APBB2: variants seen among roughly 807,000 people sequenced by gnomAD.
APBB2 encodes Fe65-like 1.
APBB2 carries 38 observed loss-of-function variants against 82.5 expected under a neutral mutation model. The ratio of observed to expected loss-of-function variants is 0.46; its 90% CI spans 0.36 to 0.60. APBB2 has a LOEUF of 0.60. Ranked by LOEUF, APBB2 falls within the 20% of genes least tolerant of loss-of-function variation. The pLI, the probability that APBB2 is intolerant of heterozygous loss-of-function variation, is 0.00. For synonymous variants in APBB2, 341 were observed against 368.2 expected, an observed-to-expected ratio of 0.93 and a Z score of 0.85; for missense variants, 772 against 972.3, an observed-to-expected ratio of 0.79 and a Z score of 2.74.
chr4:41,206,602 C>CT (rs1299121537), intron 1 of APBB2, among the ~76,000 whole-genome samples: 1 of 152,204 alleles, frequency 6.6e-6, no homozygotes, highest in Non-Finnish European at 1.5e-5. Flanking sequence ...TGAATCAATG[C>CT]TTCCCAAGGT....
At chr4:41,070,893 G>A (rs1446936012) in intron 3 of APBB2, among the ~76,000 whole-genome samples, 1 of 152,184 alleles carries the variant, frequency 6.6e-6, no homozygotes, top group African/African-American at 2.4e-5. Flanking sequence ...ATCAAGGAAA[G>A]GAAGGGAATA....
At chr4:41,129,624 A>G (rs1755402533) in intron 2 of APBB2, among the ~76,000 whole-genome samples, 1 of 151,910 alleles carries the variant, frequency 6.6e-6, no homozygotes, top group Admixed American at 6.6e-5. Flanking sequence ...TTTGTTTTTA[A>G]TTTTCAGTGT....
rs894518520 is a variant in APBB2 at position 40,937,305 on chromosome 4, A to C, written c.1045-2166T>G. On this transcript the variant is annotated intron_variant, in intron 7 of 17. Transcript: ENST00000508593. ...CTATATGTTGAGGCTACAGAAAGTA[A>C]AAGAAGAGTATTTTCTAAAACAAGT... 3.7e-4 allele frequency among the ~76,000 whole-genome samples: 56 copies of C among 152,228 alleles called. 1 individual carries two copies. Among genetic ancestry groups the C allele is most frequent in the African/African-American group, 1.3e-3 (54 of 41,466 alleles).
At chr4:40,831,338 G>A (rs1024840399) in intron 12 of APBB2, among the ~76,000 whole-genome samples, 1 of 152,024 alleles carries the variant, frequency 6.6e-6, no homozygotes, top group South Asian at 2.1e-4. Context: ...GGAGGCAGAG[G>A]TTACAGTGAG....
At chr4:40,978,628 C>A (rs190210347) in intron 6 of APBB2, among the ~76,000 whole-genome samples, 1 of 152,122 alleles carries the variant, frequency 6.6e-6, no homozygotes, top group Non-Finnish European at 1.5e-5. Context: ...CCGTCAATCA[C>A]GAAAAGGGTT....
At chr4:40,870,245 G>T (rs1765107091) in intron 12 of APBB2, among the ~76,000 whole-genome samples, 1 of 152,204 alleles carries the variant, frequency 6.6e-6, no homozygotes, top group African/African-American at 2.4e-5. Flanking sequence ...CCAGCCCACT[G>T]TGCCCACCAC....
At chr4:41,174,462 C>A (rs1038528329) in intron 1 of APBB2, among the ~76,000 whole-genome samples, 1 of 152,146 alleles carries the variant, frequency 6.6e-6, no homozygotes, top group Non-Finnish European at 1.5e-5. Context: ...GATGTTTGAG[C>A]ACGCTAGCAG....
At chr4:41,185,990 G>A (rs1340752651) in intron 1 of APBB2, among the ~76,000 whole-genome samples, 1 of 152,126 alleles carries the variant, frequency 6.6e-6, no homozygotes, top group Non-Finnish European at 1.5e-5. Flanking sequence ...ATACTGGTCT[G>A]TAACTACTCT....
intron 10 of APBB2, among the ~76,000 whole-genome samples, chr4:40,896,030 A>T (rs1773565716): frequency 6.6e-6 from 1 of 151,936 alleles, no homozygotes; most frequent in African/African-American, 2.4e-5. Flanking sequence ...TAGGATGATA[A>T]ACAAGGCTGG....
At chr4:41,085,250 C>CAAAAAAAAAAAAAAAA (rs71198629) in intron 3 of APBB2, among the ~76,000 whole-genome samples, 1 of 66,180 alleles carries the variant, frequency 1.5e-5, no homozygotes. Context: ...GACTCTGTCT[C>CAAAAAAAAAAAAAAAA]AAAAAAAAAA....
At position 40,930,444 on chromosome 4, in the gene APBB2, TGTGTGCGCGCGCGCGCGCGCGCGTGCGC is replaced by T. The variant is rs1217640522; in HGVS notation, c.1254+3984_1254+4011del. On this transcript the variant is annotated intron_variant, in intron 10 of 17. Coordinates refer to ENST00000508593, the MANE Select transcript of APBB2 (RefSeq NM_004307.2). The stretch of plus-strand genomic sequence containing the variant: ...AAGTGTGTGTGTGTGTGTGTGTGTG[TGTGTGCGCGCGCGCGCGCGCGCGTGCGC>T]GTGCGCGTATGCGTGTGTATGTGTG... Among the ~76,000 whole-genome samples, 230 of 60,932 alleles carry T rather than the reference TGTGTGCGCGCGCGCGCGCGCGCGTGCGC, an allele frequency of 3.8e-3. 1 individual carries two copies. Among genetic ancestry groups the T allele is most frequent in the African/African-American group, 0.01 (211 of 20,254 alleles). The allele number at this position is 60,932 out of a possible 152,430, so 40.0% of individuals were successfully genotyped here.
intron 4 of APBB2, among the ~76,000 whole-genome samples, chr4:41,049,513 GCCAGCCCCCGCCC>G (rs1196088354): frequency 3.4e-5 from 5 of 145,772 alleles, no homozygotes; most frequent in African/African-American, 1.3e-4. Flanking sequence ...GGAGGTGGGG[GCCAGCCCCCGCCC>G]GGCCAGCCGC....
chr4:40,929,641 A>G (rs1418535367), intron 10 of APBB2, among the ~76,000 whole-genome samples: 1 of 152,192 alleles, frequency 6.6e-6, no homozygotes, highest in Non-Finnish European at 1.5e-5. Flanking sequence ...TAGCTCACAC[A>G]CAATAAACTA....
chr4:41,197,359 T>C, intron 1 of APBB2, among the ~76,000 whole-genome samples: 6 of 152,336 alleles, frequency 3.9e-5, no homozygotes, highest in South Asian at 2.1e-4. Context: ...TTAATGCTTA[T>C]CTTCCAATAG....
At chr4:41,041,829 C>T (rs1018079449) in intron 4 of APBB2, among the ~76,000 whole-genome samples, 3 of 152,110 alleles carry the variant, frequency 2.0e-5, no homozygotes, top group Non-Finnish European at 2.9e-5. Flanking sequence ...TGAAATGTAT[C>T]CCAGGGGAAA....
intron 5 of APBB2, among the ~76,000 whole-genome samples, chr4:41,020,630 A>G (rs1303849121): frequency 6.6e-6 from 1 of 152,206 alleles, no homozygotes; most frequent in Non-Finnish European, 1.5e-5. Flanking sequence ...GTAATCCCAA[A>G]TTTATTAGGT....
At chr4:40,836,771 G>A (rs1754098805) in intron 12 of APBB2, among the ~76,000 whole-genome samples, 1 of 152,204 alleles carries the variant, frequency 6.6e-6, no homozygotes, top group East Asian at 1.9e-4. Context: ...CCTTACCTGG[G>A]AGAAGGAGTT....
At position 40,922,404 on chromosome 4, in the gene APBB2, T is replaced by C. The variant is rs530629423; in HGVS notation, c.1254+12052A>G. ...AGACTGCTGTTGAGAGCTGCCACTC[T>C]TGGTGTCAGTTTAGAGTCTGAAAAT... On this transcript the variant is annotated intron_variant, in intron 10 of 17. Coordinates refer to ENST00000508593, the MANE Select transcript of APBB2 (RefSeq NM_004307.2). 3.9e-5 allele frequency among the ~76,000 whole-genome samples: 6 copies of C among 152,366 alleles called. No individual in the cohort carries two copies. In the South Asian group the frequency reaches 6.2e-4, roughly 16 times the overall value.
chr4:40,864,083 C>A (rs917874728), intron 12 of APBB2, among the ~76,000 whole-genome samples: 1 of 151,724 alleles, frequency 6.6e-6, no homozygotes, highest in Non-Finnish European at 1.5e-5. Context: ...ATAGTGAAAC[C>A]CCATCACTAT....
Sources: allele counts gnomAD v4.1 joint callset (sites outside exome capture counted in the v4.1 genomes callset), GRCh38; gene constraint gnomAD v4.1.1; transcripts MANE v1.5; gene names NCBI Gene and HGNC (gene_info 2026-07-23, HGNC 2026-07-21).